The following ALG12 variants were observed in gnomAD, a reference collection of about 807,000 sequenced individuals.
ALG12 encodes ALG12 alpha-1,6-mannosyltransferase, also known as dol-P-Man:Man(7)GlcNAc(2)-PP-Dol alpha-1,6-mannosyltransferase.
A neutral mutation model predicts 46.0 loss-of-function variants in ALG12; 36 were observed. The ratio of observed to expected loss-of-function variants is 0.78; its 90% CI spans 0.60 to 1.03. The LOEUF (loss-of-function observed/expected upper bound fraction) is 1.03. ALG12 is among the 50% of genes least tolerant of loss of function. The probability of loss-of-function intolerance (pLI) is 0.00; values close to 1 mark genes in which losing one functional copy is unlikely to be tolerated. For synonymous variants in ALG12, 326 were observed against 291.6 expected, an observed-to-expected ratio of 1.12 and a Z score of -1.20; for missense variants, 599 against 633.5, an observed-to-expected ratio of 0.95 and a Z score of 0.58.
Position 49,903,703 on chromosome 22 carries a change from G to A in ALG12, c.*135C>T, listed in dbSNP as rs746762767. 9.9e-7 allele frequency: 1 copy of A among 1,013,712 alleles called. No homozygotes were observed. The highest frequency in any genetic ancestry group is 1.3e-5 in the South Asian group (1 of 74,344). The allele number at this position is 1,013,712 out of a possible 1,614,324, so 62.8% of individuals were successfully genotyped here. ...GAGGAGGCCCTGGACCTGGTCTGGT[G>A]TCTGTCAGAGGCAGGTGCCCAGTCC... On this transcript the variant is annotated 3_prime_UTR_variant, in exon 10 of 10. Coordinates refer to ENST00000330817, the MANE Select transcript of ALG12 (RefSeq NM_024105.4).
chr22:49,886,957 G>T, the ALG12 span: 6 of 1,614,070 alleles, frequency 3.7e-6, no homozygotes, highest in Non-Finnish European at 5.1e-6. The surrounding 1 kb of genome is among the most constrained non-coding windows in gnomAD (Gnocchi z 7.7). Context: ...ACACAGCTGT[G>T]ACCCGCTCAC....
At chr22:49,866,642 G>C in the ALG12 span, among the ~76,000 whole-genome samples, 1 of 151,966 alleles carries the variant, frequency 6.6e-6, no homozygotes. Context: ...TTAATCTGAG[G>C]TCACATTTTT....
At position 49,916,505 on chromosome 22, in the gene ALG12, G is replaced by A. The variant is rs561316278; in HGVS notation, c.-79+1758C>T. ...CAGAGGAGGAGAATTGCTTGAACTC[G>A]GGAGGCAGAGGTTGCAGCAAGCCAA... On this transcript the variant is annotated intron_variant, in intron 1 of 9. Coordinates refer to ENST00000330817, the MANE Select transcript of ALG12 (RefSeq NM_024105.4). Among the ~76,000 whole-genome samples the A allele has an allele frequency of 3.9e-5, 6 of 152,090 alleles. No individual in the cohort carries two copies. The South Asian group carries it at 8.3e-4, about 21-fold the overall frequency.
At chr22:49,862,395 C>T in the ALG12 span, among the ~76,000 whole-genome samples, 1 of 152,252 alleles carries the variant, frequency 6.6e-6, no homozygotes, top group Non-Finnish European at 1.5e-5. Flanking sequence ...TAAGCCACTG[C>T]GCCCAGCCTA....
At chr22:49,890,251 G>C in the ALG12 span, among the ~76,000 whole-genome samples, 5 of 152,114 alleles carry the variant, frequency 3.3e-5, no homozygotes, top group Non-Finnish European at 2.9e-5. Flanking sequence ...AGGTTGCAGT[G>C]AGCTGTGATC....
At chr22:49,915,040 T>C (rs907701973) in intron 1 of ALG12, among the ~76,000 whole-genome samples, 3 of 152,254 alleles carry the variant, frequency 2.0e-5, no homozygotes, top group Admixed American at 1.3e-4. Flanking sequence ...AAACTATCTT[T>C]TGATCAAACG....
downstream of ALG12, among the ~76,000 whole-genome samples, chr22:49,896,921 G>A (rs902622926): frequency 4.6e-5 from 7 of 151,734 alleles, no homozygotes; most frequent in South Asian, 2.1e-4. Context: ...GATCCCAGGC[G>A]TGAGCCACCA....
At chr22:49,877,943 C>T in the ALG12 span, among the ~76,000 whole-genome samples, 1 of 152,190 alleles carries the variant, frequency 6.6e-6, no homozygotes, top group Non-Finnish European at 1.5e-5. Context: ...CATTGTAGGG[C>T]TGTATCACAA....
rs568753079 is a variant in ALG12, at chr22:49,905,609, G to A, written c.993-1103C>T. ...CGTCCTGCTTTGGCCACATAAAAGC[G>A]TGCCCGCTTCCCTCTCGCCTTCCGC... On this transcript the variant is annotated intron_variant, in intron 7 of 9. Coordinates refer to ENST00000330817, the MANE Select transcript of ALG12 (RefSeq NM_024105.4). The surrounding 1 kb of genome is among the most constrained non-coding windows in gnomAD (Gnocchi z 4.9). 2.6e-5 allele frequency among the ~76,000 whole-genome samples: 4 copies of A among 152,264 alleles called. No individual in the cohort carries two copies. The highest frequency in any genetic ancestry group is 1.3e-4 in the Admixed American group (2 of 15,300).
the ALG12 span, among the ~76,000 whole-genome samples, chr22:49,876,783 G>C: frequency 6.6e-6 from 1 of 151,938 alleles, no homozygotes; most frequent in African/African-American, 2.4e-5. Flanking sequence ...AAAAGACCTC[G>C]TTCTATTTAT....
chr22:49,910,613 CAAAG>C lies in ALG12; in HGVS notation c.296-10_296-7del. On this transcript the variant is annotated splice_region_variant and splice_polypyrimidine_tract_variant and intron_variant, in intron 3 of 9. Transcript: ENST00000330817. ...GAGTCCAAGCACTCCTCTAACTAAA[CAAAG>C]ACAGTGACAGCACCTGAGCCTGCAG... The C allele has an allele frequency of 6.2e-7, 1 of 1,614,068 alleles. No individual in the cohort carries two copies. The highest frequency in any genetic ancestry group is 8.5e-7 in the Non-Finnish European group (1 of 1,180,038).
chr22:49,895,613 T>C (rs1193070828), downstream of ALG12, among the ~76,000 whole-genome samples: 4 of 150,794 alleles, frequency 2.7e-5, no homozygotes, highest in Admixed American at 6.6e-5. Context: ...GGTCGCACCA[T>C]TGCACTCCAG....
the ALG12 span, among the ~76,000 whole-genome samples, chr22:49,867,220 C>A: frequency 1.3e-5 from 2 of 152,258 alleles, no homozygotes; most frequent in Admixed American, 1.3e-4. Context: ...AGATTTCTTT[C>A]TTTTGCTTTA....
chr22:49,859,489 T>A, the ALG12 span, among the ~76,000 whole-genome samples: 1 of 151,988 alleles, frequency 6.6e-6, no homozygotes, highest in South Asian at 2.1e-4. Flanking sequence ...TCTGGCCCAG[T>A]GTCCCAGGCT....
At chr22:49,913,348 C>T (rs780109831) in intron 3 of ALG12, 37 bp downstream of exon 3, 8 of 1,612,554 alleles carry the variant, frequency 5.0e-6, no homozygotes, top group Non-Finnish European at 6.8e-6. Context: ...ACACCACAGT[C>T]CCTCACTCCC....
At chr22:49,880,369 C>T in the ALG12 span, among the ~76,000 whole-genome samples, 1 of 152,234 alleles carries the variant, frequency 6.6e-6, no homozygotes, top group Non-Finnish European at 1.5e-5. Flanking sequence ...CACGAGGAAC[C>T]TCCGCAGGTC....
downstream of ALG12, among the ~76,000 whole-genome samples, chr22:49,897,300 T>C (rs1238215715): frequency 6.6e-6 from 1 of 152,198 alleles, no homozygotes; most frequent in Non-Finnish European, 1.5e-5. Context: ...TTGTACGAGC[T>C]TTTGTGTGGA....
the ALG12 span, among the ~76,000 whole-genome samples, chr22:49,859,702 T>C: frequency 2.6e-5 from 4 of 152,234 alleles, no homozygotes; most frequent in African/African-American, 7.2e-5. Context: ...ATTTGAATTA[T>C]AGTTAAAATT....
At position 49,910,077 on chromosome 22, in the gene ALG12, G is replaced by A. The variant is rs764342631; in HGVS notation, c.481C>T (p.Leu161Phe). Reference protein sequence around the residue: ...VLALPVVLLALAAWLRHEWAR... With the variant: ...VLALPVVLLAFAAWLRHEWAR... ...CACTCGTGCCGCAGCCAGGCCGCGA[G>A]GGCCAGCAGGACTGCAAGACAGTGC... is the stretch of plus-strand genomic sequence containing the variant. Residue 161 changes from leucine to phenylalanine, a missense_variant, in exon 5 of 10, where the codon CTC (leucine) becomes TTC (phenylalanine). Physicochemically the swap from Leu to Phe is conservative, Grantham distance 22. Coordinates refer to ENST00000330817, the MANE Select transcript of ALG12 (RefSeq NM_024105.4). 1 of 1,608,226 alleles carries A rather than the reference G, an allele frequency of 6.2e-7. No individual in the cohort carries two copies. The highest frequency in any genetic ancestry group is 8.5e-7 in the Non-Finnish European group (1 of 1,177,928).
Sources: gnomAD v4.1 joint callset for allele counts (sites outside exome capture counted in the v4.1 genomes callset) on GRCh38, gnomAD v4.1.1 for gene constraint, Gnocchi (gnomAD v3.1) non-coding constraint, MANE v1.5 for transcripts, NCBI Gene and HGNC (gene_info 2026-07-23, HGNC 2026-07-21) for gene names.